GABRP: variants seen among roughly 807,000 people sequenced by gnomAD.
The protein encoded by GABRP is gamma-aminobutyric acid type A receptor subunit pi.
GABRP carries 52 observed loss-of-function variants against 47.8 expected under a neutral mutation model. The observed-to-expected ratio is 1.09, with a 90% CI of 0.87 to 1.37. The LOEUF (loss-of-function observed/expected upper bound fraction) is 1.37. Ranked by LOEUF, GABRP falls within the 40% of genes most tolerant of loss-of-function variation. GABRP has a pLI of 0.00. For missense variants in GABRP, 525 were observed against 542.8 expected, an observed-to-expected ratio of 0.97 and a Z score of 0.33; for synonymous variants, 221 against 205.8, an observed-to-expected ratio of 1.07 and a Z score of -0.63.
intron 9 of GABRP, among the ~76,000 whole-genome samples, chr5:170,810,524 T>C (rs1486719098): frequency 6.6e-6 from 1 of 152,214 alleles, no homozygotes; most frequent in Non-Finnish European, 1.5e-5. Context: ...ACTTATCCGC[T>C]ATTCCCACTT....
At chr5:170,789,036 A>G in intron 2 of GABRP, 93 bp from the exon 3 acceptor site, 2 of 944,106 alleles carry the variant, frequency 2.1e-6, no homozygotes, top group South Asian at 3.0e-5. Context: ...ACATACACCC[A>G]CACACACGTG....
intron 5 of GABRP, 103 bp downstream of exon 5, chr5:170,795,528 A>T: frequency 1.2e-6 from 1 of 867,534 alleles, no homozygotes. Context: ...AGCCACTGTG[A>T]GGTCCCATGG....
intron 2 of GABRP, 64 bp from the exon 3 acceptor site, chr5:170,789,065 G>A (rs1015041737): frequency 1.6e-6 from 2 of 1,261,782 alleles, no homozygotes; most frequent in African/African-American, 2.9e-5. Context: ...CAAGCTCAAG[G>A]GTGTGTACAC....
intron 4 of GABRP, among the ~76,000 whole-genome samples, chr5:170,794,675 G>A (rs999757722): frequency 6.6e-6 from 1 of 152,102 alleles, no homozygotes; most frequent in Non-Finnish European, 1.5e-5. Context: ...TTTTATAATG[G>A]GGGAGACAAC....
chr5:170,801,864 G>T (rs547100260), intron 6 of GABRP, among the ~76,000 whole-genome samples: 3,960 of 148,572 alleles, frequency 0.027, 93 homozygotes, highest in Middle Eastern at 0.13. Context: ...ATGGGGGGGG[G>T]GTCAGAGTTT....
intron 7 of GABRP, among the ~76,000 whole-genome samples, chr5:170,807,810 TG>T (rs1053495907): frequency 9.9e-5 from 15 of 152,164 alleles, no homozygotes; most frequent in Non-Finnish European, 2.9e-5. Context: ...GGCTTTAATT[TG>T]GGGGTGACAG....
rs111754556 is a variant in GABRP at position 170,792,450 on chromosome 5, A to G, written c.173-1781A>G. ...AGAGGGAGACTCCATCTCAAAAAAA[A>G]AAAGAAAGAAAGAAAGACAGAAAAA... On this transcript the variant is annotated intron_variant, in intron 3 of 9. Coordinates refer to ENST00000265294, the MANE Select transcript of GABRP (RefSeq NM_014211.3). Among the ~76,000 whole-genome samples the G allele has an allele frequency of 1.9e-3, 294 of 151,412 alleles. 1 individual carries two copies. Among genetic ancestry groups the G allele is most frequent in the East Asian group, 8.8e-3 (45 of 5,122 alleles).
In GABRP at chr5:170,812,575, A is replaced by G. The variant is rs976505332; in HGVS notation, c.*317A>G. ...TGGCTCCCTGGTTTGCATTTACCTC[A>G]TATAAAGAATGGGAAGGAGACCATT... On this transcript the variant is annotated 3_prime_UTR_variant, in exon 10 of 10. Coordinates refer to ENST00000265294, the MANE Select transcript of GABRP (RefSeq NM_014211.3). The G allele has an allele frequency of 4.0e-5, 10 of 251,432 alleles. No individual in the cohort carries two copies. The highest frequency in any genetic ancestry group is 2.0e-4 in the African/African-American group (9 of 45,590). 15.6% of individuals were successfully genotyped at this position (251,432 alleles called of 1,614,324 possible). A position where few individuals can be genotyped will look rare whatever the true frequency, so the allele number is the denominator to read the frequency against.
intron 1 of GABRP, among the ~76,000 whole-genome samples, chr5:170,787,351 C>G (rs2127248843): frequency 6.6e-6 from 1 of 152,318 alleles, no homozygotes; most frequent in South Asian, 2.1e-4. Flanking sequence ...AGCCTGAGCA[C>G]CCCCATTCTG....
At chr5:170,796,047 G>A (rs1032584614) in intron 5 of GABRP, among the ~76,000 whole-genome samples, 5 of 152,182 alleles carry the variant, frequency 3.3e-5, no homozygotes, top group Admixed American at 1.3e-4. Context: ...TAATGGAGCC[G>A]GGTTGGATGG....
intron 3 of GABRP, among the ~76,000 whole-genome samples, chr5:170,792,442 C>CAA (rs61664116): frequency 0.03 from 4,084 of 137,126 alleles, 174 homozygotes; most frequent in African/African-American, 0.097. Flanking sequence ...GACTCCATCT[C>CAA]AAAAAAAAAA....
At chr5:170,802,886 G>A (rs1400317169) in intron 6 of GABRP, among the ~76,000 whole-genome samples, 1 of 152,148 alleles carries the variant, frequency 6.6e-6, no homozygotes, top group Non-Finnish European at 1.5e-5. Flanking sequence ...TATTAGCAGT[G>A]TTTGGGTACA....
At chr5:170,805,683 T>G in intron 6 of GABRP, 33 bp from the exon 7 acceptor site, 4 of 1,613,266 alleles carry the variant, frequency 2.5e-6, no homozygotes, top group Non-Finnish European at 3.4e-6. Flanking sequence ...TGGAACACCC[T>G]TGCACTGACC....
intron 5 of GABRP, 61 bp downstream of exon 5, chr5:170,795,486 G>A: frequency 7.4e-7 from 1 of 1,360,118 alleles, no homozygotes; most frequent in Admixed American, 1.7e-5. Context: ...ACATGCAGAT[G>A]TGTCTTGGGT....
Position 170,812,349 on chromosome 5 carries a change from C to A in GABRP, c.*91C>A. On this transcript the variant is annotated 3_prime_UTR_variant, in exon 10 of 10. Coordinates refer to ENST00000265294, the MANE Select transcript of GABRP (RefSeq NM_014211.3). ...TTTAGGCCAAGTGTGCACCCACATC[C>A]AATGGTGCTACAAGTGACTGAAATA... 1 of 942,784 alleles carries A rather than the reference C, an allele frequency of 1.1e-6. No homozygotes were observed. The highest frequency in any genetic ancestry group is 1.6e-6 in the Non-Finnish European group (1 of 613,692). 58.4% of individuals were successfully genotyped at this position (942,784 alleles called of 1,614,324 possible). A position where few individuals can be genotyped will look rare whatever the true frequency, so the allele number is the denominator to read the frequency against.
chr5:170,809,508 A>G, intron 8 of GABRP, 60 bp from the exon 9 acceptor site: 1 of 1,544,176 alleles, frequency 6.5e-7, no homozygotes, highest in Non-Finnish European at 8.9e-7. Context: ...ACACTCTGCC[A>G]GGCTATGGTG....
intron 4 of GABRP, 107 bp from the exon 5 acceptor site, chr5:170,795,101 T>C (rs755863517): frequency 5.2e-6 from 4 of 776,082 alleles, no homozygotes; most frequent in Non-Finnish European, 9.2e-6. Flanking sequence ...ATTCTTGCTC[T>C]AAGTGGAGGT....
chr5:170,796,759 G>A (rs1765440359), intron 5 of GABRP, among the ~76,000 whole-genome samples: 1 of 152,194 alleles, frequency 6.6e-6, no homozygotes, highest in South Asian at 2.1e-4. Flanking sequence ...TCCTGGAGGT[G>A]AGCACCATTC....
At chr5:170,799,035 G>C (rs1383297217) in intron 6 of GABRP, among the ~76,000 whole-genome samples, 1 of 150,752 alleles carries the variant, frequency 6.6e-6, no homozygotes, top group Non-Finnish European at 1.5e-5. Flanking sequence ...GCGGTGTTTG[G>C]TTTTTTGTCC....
Sources: gnomAD v4.1 joint callset for allele counts (sites outside exome capture counted in the v4.1 genomes callset) on GRCh38, gnomAD v4.1.1 for gene constraint, MANE v1.5 for transcripts, NCBI Gene and HGNC (gene_info 2026-07-23, HGNC 2026-07-21) for gene names.